Variants in GSTCD observed in about 807,000 individuals in gnomAD.
The protein encoded by GSTCD is glutathione S-transferase C-terminal domain containing, also known as glutathione S-transferase C-terminal domain-containing protein.
A neutral mutation model predicts 68.3 loss-of-function variants in GSTCD; 44 were observed. The ratio of observed to expected loss-of-function variants is 0.64; its 90% CI spans 0.51 to 0.83. The LOEUF (loss-of-function observed/expected upper bound fraction) is 0.83. GSTCD is among the 40% of genes least tolerant of loss of function. The probability of loss-of-function intolerance (pLI) is 0.00; values close to 1 mark genes in which losing one functional copy is unlikely to be tolerated. For synonymous variants in GSTCD, 273 were observed against 255.2 expected (o/e 1.07, Z -0.67); for missense variants, 739 against 735.9 (o/e 1.00, Z -0.05).
At chr4:105,777,957 A>T (rs762354331) in intron 5 of GSTCD, among the ~76,000 whole-genome samples, 1 of 152,156 alleles carries the variant, frequency 6.6e-6, no homozygotes, top group Non-Finnish European at 1.5e-5. Flanking sequence ...TTTAATACAT[A>T]TATTTAGGAG....
At chr4:105,793,696 C>T (rs1735763464) in intron 5 of GSTCD, among the ~76,000 whole-genome samples, 1 of 151,958 alleles carries the variant, frequency 6.6e-6, no homozygotes, top group African/African-American at 2.4e-5. Flanking sequence ...AATCTTGCTT[C>T]TCACTCCCTG....
intron 5 of GSTCD, among the ~76,000 whole-genome samples, chr4:105,782,353 C>T (rs1302913910): frequency 2.0e-5 from 3 of 151,932 alleles, no homozygotes; most frequent in Non-Finnish European, 4.4e-5. Flanking sequence ...TAAAAATTAG[C>T]CAAGCATGGT....
At chr4:105,818,037 T>A (rs528411335) in intron 5 of GSTCD, among the ~76,000 whole-genome samples, 1 of 151,898 alleles carries the variant, frequency 6.6e-6, no homozygotes, top group East Asian at 1.9e-4. Flanking sequence ...AGTCTCCTGG[T>A]AATCTTTTCA....
intron 5 of GSTCD, among the ~76,000 whole-genome samples, chr4:105,730,756 T>A (rs944522368): frequency 6.6e-6 from 1 of 152,160 alleles, no homozygotes; most frequent in African/African-American, 2.4e-5. Flanking sequence ...ATTAGATCCC[T>A]TTTGTCAATT....
intron 5 of GSTCD, among the ~76,000 whole-genome samples, chr4:105,822,074 A>G (rs1195469287): frequency 1.3e-5 from 2 of 152,138 alleles, no homozygotes; most frequent in Admixed American, 6.6e-5. Flanking sequence ...CCTTTTATCT[A>G]TATCATGGAA....
chr4:105,793,604 C>T (rs573861221), intron 5 of GSTCD, among the ~76,000 whole-genome samples: 7 of 151,726 alleles, frequency 4.6e-5, no homozygotes, highest in Non-Finnish European at 1.0e-4. Context: ...ACCCTACCAC[C>T]CTACCTATAT....
Position 105,756,495 on chromosome 4 carries a change from T to TACACACAC in GSTCD, c.1240+27021_1240+27028dup, listed in dbSNP as rs3055931. On this transcript the variant is annotated intron_variant, in intron 5 of 11. Coordinates refer to ENST00000515279, the MANE Select transcript of GSTCD (RefSeq NM_001370181.1). ...CACTGGTAGCAGAGACCTATGCACATACACACACACACACACACACACACA... is the reference window on the plus strand; with the variant it reads ...CACTGGTAGCAGAGACCTATGCACATACACACACACACACACACACACACACACACACA... 8.0e-3 allele frequency among the ~76,000 whole-genome samples: 1,112 copies of TACACACAC among 139,470 alleles called. 19 individuals carry two copies. Among genetic ancestry groups the TACACACAC allele is most frequent in the African/African-American group, 0.028 (1,051 of 37,188 alleles). The allele number at this position is 139,470 out of a possible 152,430, so 91.5% of individuals were successfully genotyped here. A position where few individuals can be genotyped will look rare whatever the true frequency, so the allele number is the denominator to read the frequency against.
At chr4:105,739,855 A>G (rs1273850766) in intron 5 of GSTCD, among the ~76,000 whole-genome samples, 1 of 152,026 alleles carries the variant, frequency 6.6e-6, no homozygotes, top group Non-Finnish European at 1.5e-5. Context: ...TGCAACCATG[A>G]CTGAGGGATG....
intron 5 of GSTCD, among the ~76,000 whole-genome samples, chr4:105,774,409 AT>A (rs1211317611): frequency 3.9e-5 from 6 of 152,266 alleles, no homozygotes; most frequent in Admixed American, 2.6e-4. Flanking sequence ...CAAGCCGGTT[AT>A]TTTGCCCATT....
rs575677055 is a variant in GSTCD at position 105,814,953 on chromosome 4, T to C, written c.1241-8001T>C. ...CCTGTGTAACTTGTATGAATAGCCC[T>C]GCCTTTGAGTGTTAACTTTTAAGTT... On this transcript the variant is annotated intron_variant, in intron 5 of 11. Coordinates refer to ENST00000515279, the MANE Select transcript of GSTCD (RefSeq NM_001370181.1). 2.0e-5 allele frequency among the ~76,000 whole-genome samples: 3 copies of C among 152,362 alleles called. No individual in the cohort carries two copies. In the East Asian group the frequency reaches 5.8e-4, roughly 29 times the overall value.
chr4:105,745,965 A>T (rs773724036), intron 5 of GSTCD, among the ~76,000 whole-genome samples: 3 of 152,152 alleles, frequency 2.0e-5, no homozygotes, highest in Non-Finnish European at 4.4e-5. Context: ...GGAGAGTGAT[A>T]TGGGGAGAGT....
At chr4:105,803,965 G>C (rs918143074) in intron 5 of GSTCD, among the ~76,000 whole-genome samples, 1 of 151,904 alleles carries the variant, frequency 6.6e-6, no homozygotes, top group African/African-American at 2.4e-5. Flanking sequence ...TATGTACATA[G>C]GACTTCAAAA....
intron 5 of GSTCD, among the ~76,000 whole-genome samples, chr4:105,773,323 AT>A (rs1002549011): frequency 6.6e-6 from 1 of 151,580 alleles, no homozygotes. Context: ...GGATTCATTG[AT>A]TTTTTTTGAA....
intron 9 of GSTCD, among the ~76,000 whole-genome samples, chr4:105,835,698 C>T (rs962148107): frequency 3.3e-5 from 5 of 152,194 alleles, no homozygotes; most frequent in South Asian, 2.1e-4. Flanking sequence ...GGCAGGGGGG[C>T]ATGTGAGCCC....
At chr4:105,818,079 G>C (rs1723088358) in intron 5 of GSTCD, among the ~76,000 whole-genome samples, 1 of 151,682 alleles carries the variant, frequency 6.6e-6, no homozygotes. Context: ...GCAGTTCCAG[G>C]AAAAAATATT....
intron 5 of GSTCD, among the ~76,000 whole-genome samples, chr4:105,781,318 A>G (rs1735262531): frequency 6.6e-6 from 1 of 152,032 alleles, no homozygotes; most frequent in Admixed American, 6.5e-5. Context: ...GCACAATTAT[A>G]GCTCACTGTA....
chr4:105,743,630 A>ATT (rs1410352899), intron 5 of GSTCD, among the ~76,000 whole-genome samples: 2 of 148,464 alleles, frequency 1.3e-5, no homozygotes, highest in African/African-American at 5.0e-5. Context: ...AAATACTTAA[A>ATT]TATTTCCTAA....
intron 5 of GSTCD, among the ~76,000 whole-genome samples, chr4:105,783,807 T>C (rs2149250991): frequency 6.6e-6 from 1 of 152,380 alleles, no homozygotes; most frequent in South Asian, 2.1e-4. Context: ...GATTATATTG[T>C]ATGTAGTTTT....
intron 5 of GSTCD, among the ~76,000 whole-genome samples, chr4:105,741,116 T>C (rs1251009658): frequency 6.6e-6 from 1 of 152,166 alleles, no homozygotes; most frequent in Non-Finnish European, 1.5e-5. Context: ...TAATCCTCTT[T>C]GAAGTAGTTG....
Sources: allele counts gnomAD v4.1 joint callset (sites outside exome capture counted in the v4.1 genomes callset), GRCh38; gene constraint gnomAD v4.1.1; transcripts MANE v1.5; gene names NCBI Gene and HGNC (gene_info 2026-07-23, HGNC 2026-07-21).